Variants in SYNPR observed in about 807,000 individuals in gnomAD.
SYNPR encodes synaptoporin.
In SYNPR, 23 loss-of-function variants were observed where a neutral mutation model predicts 32.9. That is an observed-to-expected ratio of 0.70 (90% CI 0.50 to 0.99). SYNPR has a LOEUF of 0.99. Among genes scored for constraint, SYNPR ranks in the 50% least tolerant of loss-of-function variants. The pLI is 0.00. For missense variants in SYNPR, 318 were observed against 349.3 expected, an observed-to-expected ratio of 0.91 and a Z score of 0.71; for synonymous variants, 146 against 135.9, an observed-to-expected ratio of 1.07 and a Z score of -0.52.
intron 4 of SYNPR, among the ~76,000 whole-genome samples, chr3:63,608,690 T>A (rs1039982902): frequency 1.3e-5 from 2 of 152,194 alleles, no homozygotes; most frequent in Non-Finnish European, 2.9e-5. Context: ...GACAGCTTGG[T>A]GGTTAAGAAC....
At chr3:63,295,186 G>T (rs560875335) in intron 2 of SYNPR, among the ~76,000 whole-genome samples, 18 of 152,162 alleles carry the variant, frequency 1.2e-4, no homozygotes, top group African/African-American at 4.1e-4. Context: ...GCTATTTTGG[G>T]CTATGTCGGC....
intron 2 of SYNPR, among the ~76,000 whole-genome samples, chr3:63,336,985 A>C (rs1257957512): frequency 6.6e-6 from 1 of 152,080 alleles, no homozygotes; most frequent in Non-Finnish European, 1.5e-5. Context: ...TAATCCCAGC[A>C]CTTTGGAAGG....
intron 3 of SYNPR, 58 bp downstream of exon 3, chr3:63,481,014 G>A (rs1701036995): frequency 6.4e-7 from 1 of 1,562,304 alleles, no homozygotes; most frequent in Admixed American, 1.9e-5. Flanking sequence ...TTTCTTCTGT[G>A]CTTTGTCTCA....
At chr3:63,438,391 G>C (rs1217381814) in intron 2 of SYNPR, among the ~76,000 whole-genome samples, 3 of 152,180 alleles carry the variant, frequency 2.0e-5, no homozygotes, top group East Asian at 3.9e-4. Context: ...ATGAGTGCTT[G>C]CTATGTTGCC....
intron 3 of SYNPR, among the ~76,000 whole-genome samples, chr3:63,481,180 A>G (rs562909417): frequency 2.6e-5 from 4 of 152,132 alleles, no homozygotes; most frequent in Non-Finnish European, 5.9e-5. Flanking sequence ...CTCCTCAAAA[A>G]AAAAGAAAAA....
At chr3:63,588,187 T>A (rs1703225872) in intron 4 of SYNPR, among the ~76,000 whole-genome samples, 1 of 152,124 alleles carries the variant, frequency 6.6e-6, no homozygotes, top group Non-Finnish European at 1.5e-5. Context: ...TTTCAATACA[T>A]ACGTCTTGGA....
intron 2 of SYNPR, among the ~76,000 whole-genome samples, chr3:63,314,464 C>T (rs748192499): frequency 2.0e-5 from 3 of 151,718 alleles, no homozygotes; most frequent in African/African-American, 4.8e-5. Context: ...TTTCCCTGAT[C>T]ATTAGTGATA....
At chr3:63,602,586 C>A (rs937226336) in intron 4 of SYNPR, among the ~76,000 whole-genome samples, 6 of 152,150 alleles carry the variant, frequency 3.9e-5, no homozygotes, top group African/African-American at 1.4e-4. Context: ...ATCCTAGCAC[C>A]ATTTATTGAA....
intron 3 of SYNPR, among the ~76,000 whole-genome samples, chr3:63,544,873 T>C (rs181435426): frequency 2.0e-5 from 3 of 151,210 alleles, no homozygotes; most frequent in African/African-American, 7.4e-5. Context: ...TCATTCAAAC[T>C]TCACACACAC....
At chr3:63,291,779 A>G (rs2086741231) in intron 2 of SYNPR, among the ~76,000 whole-genome samples, 1 of 152,214 alleles carries the variant, frequency 6.6e-6, no homozygotes, top group South Asian at 2.1e-4. Flanking sequence ...GGCTGTGTTT[A>G]CCAGCAACAG....
At chr3:63,273,048 A>G (rs2086548880) in intron 3 of SYNPR, among the ~76,000 whole-genome samples, 1 of 152,158 alleles carries the variant, frequency 6.6e-6, no homozygotes, top group African/African-American at 2.4e-5. Flanking sequence ...AATTACAATG[A>G]TTGAGCATTT....
At chr3:63,307,307 C>A (rs1209358791) in intron 2 of SYNPR, among the ~76,000 whole-genome samples, 1 of 151,936 alleles carries the variant, frequency 6.6e-6, no homozygotes, top group Admixed American at 6.6e-5. Flanking sequence ...TATGGGGTTC[C>A]TATATTATGT....
chr3:63,601,795 A>C (rs2106893210), intron 4 of SYNPR, among the ~76,000 whole-genome samples: 1 of 152,252 alleles, frequency 6.6e-6, no homozygotes, highest in Non-Finnish European at 1.5e-5. Flanking sequence ...GTAAACATAC[A>C]CATACATGTG....
At chr3:63,304,354 TTGTGTGTGTGTG>T (rs34570930) in intron 2 of SYNPR, among the ~76,000 whole-genome samples, 5 of 146,522 alleles carry the variant, frequency 3.4e-5, no homozygotes, top group South Asian at 2.1e-4. Flanking sequence ...GTGTGTGTGT[TTGTGTGTGTGTG>T]TGTGTGTGTG....
At chr3:63,453,658 G>A (rs9823776) in intron 2 of SYNPR, among the ~76,000 whole-genome samples, 30,459 of 151,964 alleles carry the variant, frequency 0.2, 3,171 homozygotes, top group Non-Finnish European at 0.21. Context: ...ACTGGAATGG[G>A]TACTTTGGAT....
upstream of SYNPR, among the ~76,000 whole-genome samples, chr3:63,227,485 G>C (rs544031962): frequency 1.4e-4 from 22 of 152,170 alleles, 1 homozygote; most frequent in South Asian, 4.6e-3. Context: ...ACCAAACTAC[G>C]GTCACTTAAT....
chr3:63,448,830 G>T (rs139426645), intron 2 of SYNPR, among the ~76,000 whole-genome samples: 1 of 152,172 alleles, frequency 6.6e-6, no homozygotes, highest in East Asian at 1.9e-4. Context: ...CTATTTCATG[G>T]CCCAGGATGT....
intron 2 of SYNPR, among the ~76,000 whole-genome samples, chr3:63,470,512 A>G (rs887484661): frequency 2.6e-5 from 4 of 152,228 alleles, no homozygotes; most frequent in Non-Finnish European, 5.9e-5. Context: ...AGCTCATTGC[A>G]TAAAGGCACA....
chr3:63,232,267 T>A (rs1264690136), intron 1 of SYNPR, among the ~76,000 whole-genome samples: 1 of 142,090 alleles, frequency 7.0e-6, no homozygotes, highest in Non-Finnish European at 1.5e-5. Context: ...AATGGCGTGA[T>A]CTTGGCTCAC....
Sources: gnomAD v4.1 joint callset for allele counts (sites outside exome capture counted in the v4.1 genomes callset) on GRCh38, gnomAD v4.1.1 for gene constraint, MANE v1.5 for transcripts, NCBI Gene and HGNC (gene_info 2026-07-23, HGNC 2026-07-21) for gene names.